THSD7A: variants seen among roughly 807,000 people sequenced by gnomAD.
THSD7A encodes thrombospondin type-1 domain-containing protein 7A.
A neutral mutation model predicts 231.3 loss-of-function variants in THSD7A; 96 were observed. That is an observed-to-expected ratio of 0.41 (90% confidence interval 0.35 to 0.49). THSD7A has a LOEUF of 0.49. THSD7A is among the 20% of genes least tolerant of loss of function. The probability of loss-of-function intolerance (pLI) is 0.05; values close to 1 mark genes in which losing one functional copy is unlikely to be tolerated. For missense variants in THSD7A, 2,290 were observed against 2,070.2 expected (o/e 1.11, Z -2.06); for synonymous variants, 940 against 743.3 (o/e 1.26, Z -4.30).
At chr7:11,416,248 A>C (rs969610968) in intron 17 of THSD7A, among the ~76,000 whole-genome samples, 1 of 152,146 alleles carries the variant, frequency 6.6e-6, no homozygotes, top group South Asian at 2.1e-4. Context: ...ATAGAAACCT[A>C]CTGGACAAAG....
chr7:11,476,301 G>A (rs546310816), intron 7 of THSD7A, among the ~76,000 whole-genome samples: 93 of 140,620 alleles, frequency 6.6e-4, no homozygotes, highest in African/African-American at 2.4e-3. Context: ...TTAACCAGAA[G>A]TCAAGCCTCT....
chr7:11,478,464 T>C (rs541956101), intron 7 of THSD7A, among the ~76,000 whole-genome samples: 3 of 152,220 alleles, frequency 2.0e-5, no homozygotes, highest in Non-Finnish European at 2.9e-5. Flanking sequence ...GACAACCCAC[T>C]CTAGATCACC....
intron 4 of THSD7A, among the ~76,000 whole-genome samples, chr7:11,563,201 A>T (rs915211302): frequency 4.0e-5 from 6 of 151,790 alleles, no homozygotes; most frequent in Admixed American, 2.0e-4. Flanking sequence ...CATACTTAAA[A>T]AAAATTTATA....
intron 6 of THSD7A, among the ~76,000 whole-genome samples, chr7:11,530,503 C>T (rs149141464): frequency 2.0e-3 from 304 of 152,168 alleles, no homozygotes; most frequent in African/African-American, 6.2e-3. Context: ...AAAATAATTA[C>T]GACATGATAC....
chr7:11,716,375 AC>A (rs1243419111), intron 1 of THSD7A, among the ~76,000 whole-genome samples: 2 of 151,616 alleles, frequency 1.3e-5, no homozygotes, highest in Middle Eastern at 3.2e-3. Flanking sequence ...ACAGGAAATT[AC>A]AATGTAGGGA....
At chr7:11,462,846 A>T (rs1260542202) in intron 9 of THSD7A, among the ~76,000 whole-genome samples, 1 of 152,208 alleles carries the variant, frequency 6.6e-6, no homozygotes, top group Non-Finnish European at 1.5e-5. Context: ...TACACTTTCA[A>T]TAAAGACATC....
chr7:11,571,392 T>G (rs1453608717), intron 4 of THSD7A, among the ~76,000 whole-genome samples: 1 of 152,230 alleles, frequency 6.6e-6, no homozygotes, highest in Non-Finnish European at 1.5e-5. Flanking sequence ...TACTGCTGAA[T>G]TTCATCTCAT....
At chr7:11,620,588 A>G (rs1781270550) in intron 2 of THSD7A, among the ~76,000 whole-genome samples, 1 of 152,142 alleles carries the variant, frequency 6.6e-6, no homozygotes, top group Non-Finnish European at 1.5e-5. Context: ...TCCTTTGGTA[A>G]CCTCCAATGG....
intron 24 of THSD7A, among the ~76,000 whole-genome samples, chr7:11,380,418 A>G (rs942232606): frequency 6.6e-6 from 1 of 152,194 alleles, no homozygotes; most frequent in Non-Finnish European, 1.5e-5. Context: ...TTTTCAAACT[A>G]TACTTGTTCA....
chr7:11,508,860 C>T (rs1489449978), intron 6 of THSD7A, among the ~76,000 whole-genome samples: 2 of 152,060 alleles, frequency 1.3e-5, no homozygotes, highest in African/African-American at 4.8e-5. Context: ...GAATACTGCA[C>T]GATTCCACTT....
intron 24 of THSD7A, among the ~76,000 whole-genome samples, 182 bp downstream of exon 24, chr7:11,382,339 C>T (rs1238768039): frequency 6.6e-6 from 1 of 152,122 alleles, no homozygotes; most frequent in East Asian, 1.9e-4. Flanking sequence ...ATTTGAACCA[C>T]CTATAAAATA....
intron 4 of THSD7A, among the ~76,000 whole-genome samples, chr7:11,569,294 C>A (rs1790521551): frequency 6.6e-6 from 1 of 152,028 alleles, no homozygotes; most frequent in African/African-American, 2.4e-5. Flanking sequence ...CAACAAGGCA[C>A]TAACGTCTAG....
chr7:11,526,011 A>G (rs1464100315), intron 6 of THSD7A, among the ~76,000 whole-genome samples: 1 of 152,190 alleles, frequency 6.6e-6, no homozygotes, highest in East Asian at 1.9e-4. Flanking sequence ...AGTCTAAAGA[A>G]AGAGAGCAAG....
At position 11,647,555 on chromosome 7, in the gene THSD7A, T is replaced by C. The variant is rs73292653; in HGVS notation, c.191-10594A>G. ...ATGTAGAAAGTCCAGTGGATTTCAT[T>C]GTCATTGCTGCTTGTCATGTCCCTT... On this transcript the variant is annotated intron_variant, in intron 1 of 27. Transcript: ENST00000423059. Among the ~76,000 whole-genome samples the C allele has an allele frequency of 9.1e-4, 139 of 152,208 alleles. 1 individual carries two copies. Among genetic ancestry groups the C allele is most frequent in the African/African-American group, 3.2e-3 (132 of 41,560 alleles).
intron 23 of THSD7A, among the ~76,000 whole-genome samples, chr7:11,399,871 T>C (rs1188523242): frequency 3.9e-5 from 6 of 152,182 alleles, no homozygotes; most frequent in Admixed American, 1.3e-4. Flanking sequence ...CATACGTTTA[T>C]TGCGGCACTA....
In THSD7A at chr7:11,645,883, T is replaced by C. The variant is rs984425889; in HGVS notation, c.191-8922A>G. Reference sequence around the variant, plus strand: ...TATAAAGCCATCAACCACTCAAATATTTCTGTGGTTTCTTTGGATGCAGTT... The same window carrying C: ...TATAAAGCCATCAACCACTCAAATACTTCTGTGGTTTCTTTGGATGCAGTT... On this transcript the variant is annotated intron_variant, in intron 1 of 27. Coordinates refer to ENST00000423059, the MANE Select transcript of THSD7A (RefSeq NM_015204.3). 3.3e-5 allele frequency among the ~76,000 whole-genome samples: 5 copies of C among 151,890 alleles called. 1 individual carries two copies. The highest frequency in any genetic ancestry group is 3.3e-4 in the Admixed American group (5 of 15,224).
At chr7:11,477,305 C>G (rs1363173241) in intron 7 of THSD7A, among the ~76,000 whole-genome samples, 1 of 152,134 alleles carries the variant, frequency 6.6e-6, no homozygotes, top group Admixed American at 6.6e-5. Context: ...TAGAGTTTAT[C>G]TGATGTTTCC....
rs532765792 is a variant in THSD7A at position 11,637,086 on chromosome 7, T to A, written c.191-125A>T. On this transcript the variant is annotated intron_variant, in intron 1 of 27. Transcript: ENST00000423059. This position sits in a 1 kb window ranked among gnomAD's most constrained non-coding sequence, Gnocchi z 4.2. ...TCCCTGCGGTGTTACAAAGTAGGTCTCTGGACACGACTGTTGGAAAGTAAT... is the reference window on the plus strand; with the variant it reads ...TCCCTGCGGTGTTACAAAGTAGGTCACTGGACACGACTGTTGGAAAGTAAT... 10 of 844,186 alleles carry A rather than the reference T, an allele frequency of 1.2e-5. No individual in the cohort carries two copies. In the African/African-American group the frequency reaches 1.5e-4, roughly 13 times the overall value. The allele number at this position is 844,186 out of a possible 1,614,324, so 52.3% of individuals were successfully genotyped here.
chr7:11,490,731 TA>T (rs1403779249), intron 6 of THSD7A, among the ~76,000 whole-genome samples: 5 of 152,088 alleles, frequency 3.3e-5, no homozygotes, highest in Non-Finnish European at 7.4e-5. Context: ...CCTAAAATGT[TA>T]ATTTTCATGT....
Sources: gnomAD v4.1 joint callset for allele counts (sites outside exome capture counted in the v4.1 genomes callset) on GRCh38, gnomAD v4.1.1 for gene constraint, Gnocchi (gnomAD v3.1) non-coding constraint, MANE v1.5 for transcripts, NCBI Gene and HGNC (gene_info 2026-07-23, HGNC 2026-07-21) for gene names.